COL24A1: variants seen among roughly 807,000 people sequenced by gnomAD.
COL24A1 encodes collagen type XXIV alpha 1 chain, also known as collagen alpha-1(XXIV) chain.
COL24A1 carries 224 observed loss-of-function variants against 253.9 expected under a neutral mutation model. That is an observed-to-expected ratio of 0.88 (90% CI 0.79 to 0.99). The LOEUF (loss-of-function observed/expected upper bound fraction) is 0.99, where lower values mean the gene tolerates loss of function less well. Ranked by LOEUF, COL24A1 falls within the 50% of genes least tolerant of loss-of-function variation. The pLI is 0.00. For missense variants in COL24A1, 2,131 were observed against 2,068.5 expected, an observed-to-expected ratio of 1.03 and a Z score of -0.59; for synonymous variants, 685 against 673.7, an observed-to-expected ratio of 1.02 and a Z score of -0.26.
At chr1:85,872,754 T>C (rs984166356) in intron 35 of COL24A1, among the ~76,000 whole-genome samples, 1 of 152,074 alleles carries the variant, frequency 6.6e-6, no homozygotes, top group Non-Finnish European at 1.5e-5. Context: ...AACCTAGGCA[T>C]TACCATTCAG....
At chr1:85,985,141 T>A (rs1693609879) in intron 20 of COL24A1, among the ~76,000 whole-genome samples, 1 of 151,872 alleles carries the variant, frequency 6.6e-6, no homozygotes, top group Non-Finnish European at 1.5e-5. Flanking sequence ...TTGATAGGTT[T>A]TTTTTCAGGA....
chr1:86,037,528 G>A (rs1182844357), intron 12 of COL24A1, among the ~76,000 whole-genome samples: 1 of 152,174 alleles, frequency 6.6e-6, no homozygotes, highest in Non-Finnish European at 1.5e-5. Flanking sequence ...CAAAAAGCCA[G>A]AGCCCTCCAT....
chr1:86,112,468 G>T (rs1705710677), intron 5 of COL24A1, 99 bp downstream of exon 5: 1 of 982,538 alleles, frequency 1.0e-6, no homozygotes, highest in Non-Finnish European at 1.6e-6. Flanking sequence ...GATCCTTGAT[G>T]TATCAAGACT....
chr1:85,825,767 G>A (rs1212355060), intron 43 of COL24A1, among the ~76,000 whole-genome samples: 1 of 126,778 alleles, frequency 7.9e-6, no homozygotes, highest in African/African-American at 3.0e-5. Flanking sequence ...TTTTTGATGG[G>A]GTTGTTTGTT....
At chr1:85,833,383 C>T (rs1227873500) in intron 43 of COL24A1, among the ~76,000 whole-genome samples, 1 of 152,166 alleles carries the variant, frequency 6.6e-6, no homozygotes, top group African/African-American at 2.4e-5. Flanking sequence ...CATCACTGGC[C>T]ATCAGAGAAA....
intron 53 of COL24A1, among the ~76,000 whole-genome samples, chr1:85,762,229 C>A (rs1666913918): frequency 6.6e-6 from 1 of 152,152 alleles, no homozygotes; most frequent in African/African-American, 2.4e-5. Flanking sequence ...ATTGAGTCAA[C>A]TCCAATTACG....
At chr1:85,992,228 C>T (rs1217370010) in intron 19 of COL24A1, among the ~76,000 whole-genome samples, 1 of 152,106 alleles carries the variant, frequency 6.6e-6, no homozygotes, top group Non-Finnish European at 1.5e-5. Flanking sequence ...CAGCTTCATC[C>T]ATGTCCCTAC....
chr1:86,090,830 A>G lies in COL24A1; in HGVS notation c.1653+1437T>C, dbSNP rs1399279575. Among the ~76,000 whole-genome samples the G allele has an allele frequency of 3.3e-5, 5 of 152,262 alleles. No homozygotes were observed. In the East Asian group the frequency reaches 9.6e-4, roughly 29 times the overall value. The stretch of plus-strand genomic sequence containing the variant: ...TTATAGTTTTAACCACAGTTAGTAT[A>G]TAAGTAACTCAAAAAGTGAAAAAAG... On this transcript the variant is annotated intron_variant, in intron 6 of 59. Coordinates refer to ENST00000370571, the MANE Select transcript of COL24A1 (RefSeq NM_152890.7).
At chr1:85,907,302 T>C in intron 27 of COL24A1, 55 bp from the exon 28 acceptor site, 1 of 1,352,362 alleles carries the variant, frequency 7.4e-7, no homozygotes, top group Non-Finnish European at 1.1e-6. Context: ...ACTATCAGAA[T>C]AATAGCCATA....
intron 19 of COL24A1, among the ~76,000 whole-genome samples, chr1:85,992,008 G>A (rs555728019): frequency 6.6e-6 from 1 of 151,732 alleles, no homozygotes; most frequent in African/African-American, 2.4e-5. Context: ...TGCCATGTTG[G>A]TGTGCTGCAC....
Position 86,089,192 on chromosome 1 carries a change from A to AG in COL24A1, c.1688dup (p.Gly564TrpfsTer5), listed in dbSNP as rs764426565. ...AACTTACCTTATCACCTTGCATACC[A>AG]GGGGGGCCCATTAATCCAGAAAGGC... On this transcript the variant is annotated frameshift_variant, in exon 7 of 60. Transcript: ENST00000370571. LOFTEE classifies it high-confidence loss of function. 2.3e-5 allele frequency: 36 copies of AG among 1,585,538 alleles called. No homozygotes were observed.
chr1:86,054,482 A>C (rs1467654256), intron 10 of COL24A1, among the ~76,000 whole-genome samples: 1 of 152,166 alleles, frequency 6.6e-6, no homozygotes, highest in East Asian at 1.9e-4. Context: ...AAAAGTGGAC[A>C]AAGGACATGA....
intron 45 of COL24A1, 27 bp from the exon 46 acceptor site, chr1:85,818,114 T>C (rs372402164): frequency 2.5e-6 from 4 of 1,583,178 alleles, no homozygotes; most frequent in Non-Finnish European, 3.5e-6. Flanking sequence ...CAGTTGTCAA[T>C]TGACTGTAAT....
chr1:85,888,314 G>T (rs1267666813), intron 32 of COL24A1, among the ~76,000 whole-genome samples: 2 of 151,948 alleles, frequency 1.3e-5, no homozygotes, highest in African/African-American at 2.4e-5. Context: ...TGATAATAAA[G>T]CTAGCCCGAG....
chr1:85,744,276 A>C (rs1388241383), intron 57 of COL24A1, among the ~76,000 whole-genome samples: 2 of 152,036 alleles, frequency 1.3e-5, no homozygotes, highest in African/African-American at 4.8e-5. Context: ...TCCATTTTGT[A>C]TTAAAAAAAA....
rs148632273 is a variant in COL24A1, at chr1:86,069,189, A to G, written c.1708-5430T>C. Among the ~76,000 whole-genome samples the G allele has an allele frequency of 6.9e-4, 105 of 152,224 alleles. 1 individual carries two copies. The East Asian group carries it at 0.02, about 29-fold the overall frequency. On this transcript the variant is annotated intron_variant, in intron 7 of 59. Coordinates refer to ENST00000370571, the MANE Select transcript of COL24A1 (RefSeq NM_152890.7). Reference sequence around the variant, plus strand: ...GGCTCTTGGGGTCCTTGAGACCAGGACTAGGATCTTACACAGCATTTCTGG... The same window carrying G: ...GGCTCTTGGGGTCCTTGAGACCAGGGCTAGGATCTTACACAGCATTTCTGG...
chr1:86,084,989 A>G (rs1323272437), intron 7 of COL24A1, among the ~76,000 whole-genome samples: 1 of 152,228 alleles, frequency 6.6e-6, no homozygotes, highest in African/African-American at 2.4e-5. Flanking sequence ...TTTTATAGGA[A>G]TAATAAGCCA....
chr1:85,978,563 G>T (rs1334617699), intron 20 of COL24A1, among the ~76,000 whole-genome samples: 2 of 151,586 alleles, frequency 1.3e-5, no homozygotes, highest in African/African-American at 4.8e-5. Flanking sequence ...AAGCAAGCAG[G>T]ACCTCAATAA....
intron 47 of COL24A1, among the ~76,000 whole-genome samples, chr1:85,795,049 C>A (rs1351167305): frequency 6.6e-6 from 1 of 152,148 alleles, no homozygotes; most frequent in Non-Finnish European, 1.5e-5. Flanking sequence ...ACCACAACTG[C>A]AAGAGTTGCT....
Sources: allele counts gnomAD v4.1 joint callset (sites outside exome capture counted in the v4.1 genomes callset), GRCh38; gene constraint gnomAD v4.1.1; transcripts MANE v1.5; gene names NCBI Gene and HGNC (gene_info 2026-07-23, HGNC 2026-07-21).